CDKAL1: variants seen among roughly 807,000 people sequenced by gnomAD.
CDKAL1 encodes threonylcarbamoyladenosine tRNA methylthiotransferase.
In CDKAL1, 32 loss-of-function variants were observed where a neutral mutation model predicts 68.2. The ratio of observed to expected loss-of-function variants is 0.47; its 90% confidence interval spans 0.35 to 0.63. The LOEUF is 0.63. Ranked by LOEUF, CDKAL1 falls within the 30% of genes least tolerant of loss-of-function variation. The probability of loss-of-function intolerance (pLI) is 0.00; values close to 1 mark genes in which losing one functional copy is unlikely to be tolerated. For synonymous variants in CDKAL1, 234 were observed against 244.3 expected, an observed-to-expected ratio of 0.96 and a Z score of 0.39; for missense variants, 606 against 696.7, an observed-to-expected ratio of 0.87 and a Z score of 1.47.
chr6:20,694,451 T>G (rs1031939803), intron 5 of CDKAL1, among the ~76,000 whole-genome samples: 2 of 152,140 alleles, frequency 1.3e-5, no homozygotes, highest in African/African-American at 4.8e-5. Context: ...TGCATCAGGA[T>G]GTCATTTTTT....
At chr6:21,029,847 G>A (rs1428633747) in intron 11 of CDKAL1, among the ~76,000 whole-genome samples, 4 of 152,180 alleles carry the variant, frequency 2.6e-5, no homozygotes, top group Admixed American at 2.6e-4. Context: ...TGGCGATGCT[G>A]TGGAGGAATA....
intron 13 of CDKAL1, among the ~76,000 whole-genome samples, chr6:21,151,071 G>T (rs1382796388): frequency 1.3e-5 from 2 of 152,170 alleles, no homozygotes; most frequent in Non-Finnish European, 2.9e-5. Flanking sequence ...GGAGAGAAAA[G>T]GTTATATGCT....
At chr6:20,744,716 T>C (rs1773594204) in intron 6 of CDKAL1, among the ~76,000 whole-genome samples, 1 of 152,192 alleles carries the variant, frequency 6.6e-6, no homozygotes, top group Non-Finnish European at 1.5e-5. Context: ...CTTCCTAAGG[T>C]AGTGTTATTT....
intron 4 of CDKAL1, among the ~76,000 whole-genome samples, chr6:20,616,668 A>G (rs886827557): frequency 2.0e-5 from 3 of 151,154 alleles, no homozygotes; most frequent in South Asian, 2.1e-4. Context: ...TTATCAGCTT[A>G]AGGAGATTTT....
intron 13 of CDKAL1, among the ~76,000 whole-genome samples, chr6:21,194,668 A>G (rs753828318): frequency 1.2e-4 from 18 of 152,270 alleles, no homozygotes; most frequent in Admixed American, 2.6e-4. Flanking sequence ...CGGCTACCAT[A>G]TGGGGTGGGA....
intron 8 of CDKAL1, 92 bp from the exon 9 acceptor site, chr6:20,845,983 G>A (rs934706540): frequency 1.4e-6 from 1 of 707,816 alleles, no homozygotes; most frequent in African/African-American, 1.8e-5. Context: ...GTTTCTGAAA[G>A]AGCACTTTTG....
At chr6:20,577,554 A>G (rs1041400517) in intron 4 of CDKAL1, among the ~76,000 whole-genome samples, 16 of 152,208 alleles carry the variant, frequency 1.1e-4, no homozygotes, top group Admixed American at 3.9e-4. Flanking sequence ...AGTACCGTAC[A>G]TAATAGCTAG....
At chr6:20,905,374 G>C (rs908335094) in intron 9 of CDKAL1, among the ~76,000 whole-genome samples, 7 of 152,016 alleles carry the variant, frequency 4.6e-5, no homozygotes, top group Non-Finnish European at 2.9e-5. Flanking sequence ...TTTGAAAATA[G>C]GACAATCAAA....
At position 20,811,594 on chromosome 6, in the gene CDKAL1, G is replaced by A. The variant is rs147295958; in HGVS notation, c.638+30329G>A. The stretch of plus-strand genomic sequence containing the variant: ...TTATCCCCAGATTGTGTTGTAAACT[G>A]GAAATCAAATCTAGGCACTTGACCA... On this transcript the variant is annotated intron_variant, in intron 8 of 15. Transcript: ENST00000274695. Among the ~76,000 whole-genome samples the A allele has an allele frequency of 1.7e-3, 260 of 152,224 alleles. 1 individual carries two copies. The highest frequency in any genetic ancestry group is 5.8e-3 in the African/African-American group (240 of 41,540).
At chr6:20,721,570 G>A (rs925155420) in intron 5 of CDKAL1, among the ~76,000 whole-genome samples, 18 of 151,938 alleles carry the variant, frequency 1.2e-4, no homozygotes, top group Non-Finnish European at 2.4e-4. Context: ...TTTCCTTTGG[G>A]TAGATACCCA....
chr6:20,565,151 A>ATT (rs549725280), intron 4 of CDKAL1, among the ~76,000 whole-genome samples: 69 of 152,114 alleles, frequency 4.5e-4, no homozygotes, highest in African/African-American at 1.5e-3. Context: ...ATATATATAT[A>ATT]TATTTTTAAA....
chr6:21,177,367 T>A (rs1002547512), intron 13 of CDKAL1, among the ~76,000 whole-genome samples: 1 of 152,322 alleles, frequency 6.6e-6, no homozygotes, highest in African/African-American at 2.4e-5. Flanking sequence ...CCCTTACACA[T>A]ACACACTTAA....
At chr6:20,932,382 C>T (rs1763501214) in intron 9 of CDKAL1, among the ~76,000 whole-genome samples, 2 of 152,092 alleles carry the variant, frequency 1.3e-5, no homozygotes, top group Admixed American at 6.6e-5. Context: ...TCGTGTCCAC[C>T]CACGTTCCCA....
intron 5 of CDKAL1, among the ~76,000 whole-genome samples, chr6:20,724,938 A>G (rs1341085213): frequency 6.6e-6 from 1 of 152,156 alleles, no homozygotes; most frequent in Non-Finnish European, 1.5e-5. Flanking sequence ...TCCCTACCCC[A>G]GAATGTAGAT....
At position 21,231,172 on chromosome 6, in the gene CDKAL1, C is replaced by T. The variant is rs1369158574; in HGVS notation, c.*133C>T. 1.6e-6 allele frequency: 1 copy of T among 615,560 alleles called. No individual in the cohort carries two copies. The allele number at this position is 615,560 out of a possible 1,614,324, so 38.1% of individuals were successfully genotyped here. On this transcript the variant is annotated 3_prime_UTR_variant, in exon 16 of 16. Transcript: ENST00000274695. ...TCATGCTGCCTCCTTCTCAGCCACT[C>T]TTCTTAATGAGGCTCCCCCTGTCTC...
At position 20,934,942 on chromosome 6, in the gene CDKAL1, C is replaced by G. The variant is rs559398260; in HGVS notation, c.743-20477C>G. Among the ~76,000 whole-genome samples, 10 of 146,774 alleles carry G rather than the reference C, an allele frequency of 6.8e-5. No homozygotes were observed. In the South Asian group the frequency reaches 1.9e-3, roughly 29 times the overall value. ...TGAGTTGAAGTCTCTGTCACCCAGG[C>G]CGGAGTTCAATGGCGCAGTCTCGGC... On this transcript the variant is annotated intron_variant, in intron 9 of 15. Transcript: ENST00000274695.
intron 2 of CDKAL1, among the ~76,000 whole-genome samples, chr6:20,542,986 A>G (rs566694547): frequency 2.0e-5 from 3 of 152,234 alleles, no homozygotes; most frequent in Non-Finnish European, 2.9e-5. Context: ...AGGTTGATGC[A>G]TATGTCATTA....
intron 8 of CDKAL1, among the ~76,000 whole-genome samples, chr6:20,803,895 T>C (rs1327078636): frequency 6.6e-6 from 1 of 152,088 alleles, no homozygotes; most frequent in Non-Finnish European, 1.5e-5. Context: ...TAGGTGGAAG[T>C]GCTTAGGATA....
chr6:20,790,772 G>T (rs986637219), intron 8 of CDKAL1, among the ~76,000 whole-genome samples: 7 of 152,192 alleles, frequency 4.6e-5, no homozygotes, highest in Admixed American at 4.6e-4. Context: ...GGGATGCAGG[G>T]GGTGGTCCCC....
Sources: allele counts gnomAD v4.1 joint callset (sites outside exome capture counted in the v4.1 genomes callset), GRCh38; gene constraint gnomAD v4.1.1; transcripts MANE v1.5; gene names NCBI Gene and HGNC (gene_info 2026-07-23, HGNC 2026-07-21).